Variants in PADI4 observed in about 807,000 individuals in gnomAD.
PADI4 encodes the protein protein-arginine deiminase type-4.
Under a neutral mutation model 75.0 loss-of-function variants are expected in PADI4, and 62 were observed. The observed-to-expected ratio is 0.83, with a 90% confidence interval of 0.67 to 1.02. The LOEUF (loss-of-function observed/expected upper bound fraction) is 1.02, where lower values mean the gene tolerates loss of function less well. PADI4 is among the 50% of genes least tolerant of loss of function. PADI4 has a pLI of 0.00. For synonymous variants in PADI4, 361 were observed against 348.1 expected, an observed-to-expected ratio of 1.04 and a Z score of -0.41; for missense variants, 845 against 850.5, an observed-to-expected ratio of 0.99 and a Z score of 0.08.
At chr1:17,329,049 TTTA>T (rs950714248) in intron 1 of PADI4, among the ~76,000 whole-genome samples, 3 of 142,748 alleles carry the variant, frequency 2.1e-5, no homozygotes, top group African/African-American at 7.4e-5. Flanking sequence ...TAAGATATAA[TTTA>T]TTAATAAAAT....
chr1:17,338,906 G>A (rs1635579), intron 5 of PADI4, among the ~76,000 whole-genome samples: 97,006 of 152,058 alleles, frequency 0.64, 31,155 homozygotes, highest in Non-Finnish European at 0.67. Context: ...GCATGTAGTT[G>A]GCCTGGCCCG....
chr1:17,316,685 G>A (rs36164094), intron 1 of PADI4, among the ~76,000 whole-genome samples: 2,382 of 103,324 alleles, frequency 0.023, 34 homozygotes, highest in Middle Eastern at 0.034. Context: ...GTGAGACTCC[G>A]TCTCAAAATA....
intron 8 of PADI4, among the ~76,000 whole-genome samples, chr1:17,343,190 A>G (rs1026974870): frequency 6.6e-6 from 1 of 152,234 alleles, no homozygotes; most frequent in Admixed American, 6.5e-5. Flanking sequence ...CCGTCTTGAG[A>G]AAATTAAAAA....
At chr1:17,354,219 G>C (rs2074719481) in intron 10 of PADI4, among the ~76,000 whole-genome samples, 1 of 152,096 alleles carries the variant, frequency 6.6e-6, no homozygotes, top group African/African-American at 2.4e-5. Context: ...CTCCAACCTG[G>C]GCAACAGAGT....
At chr1:17,330,874 A>T in intron 1 of PADI4, 95 bp from the exon 2 acceptor site, 1 of 790,050 alleles carries the variant, frequency 1.3e-6, no homozygotes, top group Non-Finnish European at 2.0e-6. Context: ...CTGACACCTA[A>T]TATTAACCAT....
At position 17,350,190 on chromosome 1, in the gene PADI4, T is replaced by C. The variant is rs1410088664; in HGVS notation, c.1155+2142T>C. Among the ~76,000 whole-genome samples the C allele has an allele frequency of 1.5e-5, 2 of 129,164 alleles. 1 individual carries two copies. The highest frequency in any genetic ancestry group is 5.0e-5 in the African/African-American group (2 of 39,920). 84.7% of individuals were successfully genotyped at this position (129,164 alleles called of 152,430 possible). The stretch of plus-strand genomic sequence containing the variant: ...TGCTGGGCCTGAGGCTGTTATGCCT[T>C]ACGCTGTCCATCGGGCAGCTGGCAC... On this transcript the variant is annotated intron_variant, in intron 10 of 15. Coordinates refer to ENST00000375448, the MANE Select transcript of PADI4 (RefSeq NM_012387.3).
intron 7 of PADI4, 62 bp downstream of exon 7, chr1:17,342,183 G>GA: frequency 3.9e-6 from 6 of 1,547,996 alleles, no homozygotes; most frequent in Non-Finnish European, 5.3e-6. Flanking sequence ...CCTGGCTAGG[G>GA]AAAGGGGTAC....
intron 2 of PADI4, among the ~76,000 whole-genome samples, chr1:17,332,277 C>T (rs956327204): frequency 5.3e-5 from 8 of 152,080 alleles, no homozygotes; most frequent in African/African-American, 1.7e-4. Flanking sequence ...ACAAGAGTCT[C>T]GCTCTGTCGC....
rs181947345 is a variant in PADI4 at position 17,354,886 on chromosome 1, C to A, written c.1310+199C>A. On this transcript the variant is annotated intron_variant, in intron 11 of 15. Transcript: ENST00000375448. ...AGACCCAAGTTCAATTCCAGCCCTGCCACTTACCCTCTTTCAGTCAGTGAA... is the reference window on the plus strand; with the variant it reads ...AGACCCAAGTTCAATTCCAGCCCTGACACTTACCCTCTTTCAGTCAGTGAA... 4.6e-5 allele frequency among the ~76,000 whole-genome samples: 7 copies of A among 152,294 alleles called. No homozygotes were observed. The East Asian group carries it at 1.2e-3, about 25-fold the overall frequency.
intron 1 of PADI4, 121 bp from the exon 2 acceptor site, chr1:17,330,848 T>C: frequency 1.5e-6 from 1 of 651,672 alleles, no homozygotes; most frequent in South Asian, 2.3e-5. Flanking sequence ...ACTTCGCATC[T>C]TTCAGTCCAA....
chr1:17,336,303 T>C (rs2074310652), intron 4 of PADI4, 77 bp downstream of exon 4: 2 of 999,020 alleles, frequency 2.0e-6, no homozygotes, highest in Non-Finnish European at 1.6e-6. Context: ...ATGGGGCAAA[T>C]GCTGGCCTGT....
At chr1:17,313,448 C>T (rs1289662192) in intron 1 of PADI4, among the ~76,000 whole-genome samples, 2 of 122,364 alleles carry the variant, frequency 1.6e-5, no homozygotes, top group Non-Finnish European at 3.2e-5. Context: ...CTGCAGTGAG[C>T]CAAGATCATG....
intron 1 of PADI4, among the ~76,000 whole-genome samples, chr1:17,319,784 G>A (rs1351341736): frequency 1.3e-5 from 2 of 152,164 alleles, no homozygotes; most frequent in Non-Finnish European, 2.9e-5. Flanking sequence ...ATTGACTACA[G>A]CTCGGCATCG....
intron 8 of PADI4, among the ~76,000 whole-genome samples, chr1:17,343,666 C>T (rs1331898364): frequency 6.6e-6 from 1 of 152,174 alleles, no homozygotes; most frequent in Non-Finnish European, 1.5e-5. Flanking sequence ...TGGTTTGCCC[C>T]ATACCATTCT....
intron 15 of PADI4, among the ~76,000 whole-genome samples, chr1:17,359,815 A>G (rs1302408310): frequency 6.6e-6 from 1 of 152,234 alleles, no homozygotes; most frequent in Non-Finnish European, 1.5e-5. Context: ...TCAAGAGAGA[A>G]GGGGATAGGA....
At chr1:17,313,527 GGAAGGAAA>G (rs1194063781) in intron 1 of PADI4, among the ~76,000 whole-genome samples, 17 of 140,524 alleles carry the variant, frequency 1.2e-4, no homozygotes, top group Middle Eastern at 3.7e-3. Context: ...AAAAAGGAAA[GGAAGGAAA>G]GAAGGAAAGA....
chr1:17,339,824 C>G lies in PADI4; in HGVS notation c.652+11C>G, dbSNP rs2074383238. 1 of 1,592,564 alleles carries G rather than the reference C, an allele frequency of 6.3e-7. No individual in the cohort carries two copies. Among genetic ancestry groups the G allele is most frequent in the Non-Finnish European group, 8.6e-7 (1 of 1,168,812 alleles). On this transcript the variant is annotated intron_variant, in intron 6 of 15. Transcript: ENST00000375448. ...TGTTTCAGGCCACACGTAAGTCATC[C>G]CCATCTTTGTTCCCCTCCTGCCCTG... is the stretch of plus-strand genomic sequence containing the variant.
chr1:17,338,205 T>C, intron 5 of PADI4, 50 bp downstream of exon 5: 1 of 1,174,758 alleles, frequency 8.5e-7, no homozygotes, highest in South Asian at 1.2e-5. Flanking sequence ...AAAGCCCTTT[T>C]GCCCACATAG....
At chr1:17,352,165 T>TGGGAGGTGGGAGGAGAGACTGTGGTCA (rs1557577401) in intron 10 of PADI4, among the ~76,000 whole-genome samples, 7 of 140,008 alleles carry the variant, frequency 5.0e-5, no homozygotes, top group South Asian at 4.7e-4. Flanking sequence ...AGGGAGGTGA[T>TGGGAGGTGGGAGGAGAGACTGTGGTCA]GAGAGGTGGT....
Sources: allele counts gnomAD v4.1 joint callset (sites outside exome capture counted in the v4.1 genomes callset), GRCh38; gene constraint gnomAD v4.1.1; transcripts MANE v1.5; gene names NCBI Gene and HGNC (gene_info 2026-07-23, HGNC 2026-07-21).